Variants in PDE3A observed in about 807,000 individuals in gnomAD.
PDE3A encodes cGMP-inhibited 3',5'-cyclic phosphodiesterase 3A.
A neutral mutation model predicts 98.3 loss-of-function variants in PDE3A; 43 were observed. The ratio of observed to expected loss-of-function variants is 0.44; its 90% CI spans 0.34 to 0.56. PDE3A has a LOEUF of 0.56. Among genes scored for constraint, PDE3A ranks in the 20% least tolerant of loss-of-function variants. The probability of loss-of-function intolerance (pLI) is 0.01; values close to 1 mark genes in which losing one functional copy is unlikely to be tolerated. For synonymous variants in PDE3A, 663 were observed against 567.9 expected (o/e 1.17, Z -2.38); for missense variants, 1,427 against 1,440.7 (o/e 0.99, Z 0.15).
In PDE3A at chr12:20,491,409, C is replaced by T. The variant is rs557852011; in HGVS notation, c.961-65251C>T. 1.0e-3 allele frequency among the ~76,000 whole-genome samples: 156 copies of T among 152,284 alleles called. 1 individual carries two copies. Among genetic ancestry groups the T allele is most frequent in the African/African-American group, 3.5e-3 (146 of 41,574 alleles). ...CCAGAGTGCTGCCTTCCCTCCCCCA[C>T]CTTTTGTTTCAATGGGTTGTTGTCA... On this transcript the variant is annotated intron_variant, in intron 1 of 15. Transcript: ENST00000359062.
chr12:20,525,870 C>G (rs1946509079), intron 1 of PDE3A, among the ~76,000 whole-genome samples: 1 of 152,110 alleles, frequency 6.6e-6, no homozygotes, highest in African/African-American at 2.4e-5. Flanking sequence ...CCAAAACTTG[C>G]TATCTTATCA....
chr12:20,567,655 T>C (rs1942695329), intron 2 of PDE3A, among the ~76,000 whole-genome samples: 1 of 151,908 alleles, frequency 6.6e-6, no homozygotes, highest in Non-Finnish European at 1.5e-5. Flanking sequence ...TTTTCTCTTA[T>C]CACATGGAAC....
chr12:20,677,644 A>G (rs923003317), intron 15 of PDE3A, among the ~76,000 whole-genome samples: 2 of 152,094 alleles, frequency 1.3e-5, no homozygotes, highest in South Asian at 4.1e-4. Context: ...TATTTTTAGT[A>G]GAGACGGGGT....
intron 1 of PDE3A, among the ~76,000 whole-genome samples, chr12:20,465,389 A>T (rs1945324012): frequency 6.6e-6 from 1 of 152,066 alleles, no homozygotes; most frequent in South Asian, 2.1e-4. Context: ...GGTAATTTTT[A>T]AAAATTTATT....
intron 1 of PDE3A, among the ~76,000 whole-genome samples, chr12:20,407,306 A>G (rs77678887): frequency 0.026 from 3,956 of 152,330 alleles, 82 homozygotes; most frequent in Admixed American, 0.059. Context: ...CAGGTACACA[A>G]TATAATTTTG....
intron 1 of PDE3A, among the ~76,000 whole-genome samples, chr12:20,433,607 GT>G (rs1410825065): frequency 6.6e-6 from 1 of 152,070 alleles, no homozygotes; most frequent in Non-Finnish European, 1.5e-5. Context: ...CAAGACTCAA[GT>G]TAACTTTTAA....
At chr12:20,404,848 T>TTTTTTTA (rs11459541) in intron 1 of PDE3A, among the ~76,000 whole-genome samples, 1 of 147,964 alleles carries the variant, frequency 6.8e-6, no homozygotes, top group African/African-American at 2.6e-5. Flanking sequence ...TTTTTTTTTT[T>TTTTTTTA]GAGCAGGAAC....
chr12:20,398,523 CA>C (rs928291492), intron 1 of PDE3A, among the ~76,000 whole-genome samples: 2 of 151,782 alleles, frequency 1.3e-5, no homozygotes, highest in African/African-American at 2.4e-5. Context: ...AGAAAGCCAT[CA>C]AAAAAACTGC....
intron 2 of PDE3A, among the ~76,000 whole-genome samples, chr12:20,577,223 T>C (rs1256465533): frequency 6.6e-6 from 1 of 152,024 alleles, no homozygotes; most frequent in Non-Finnish European, 1.5e-5. Flanking sequence ...CAGTGGTGCT[T>C]TGGGCACCCA....
At chr12:20,604,011 A>G (rs1279758592) in intron 2 of PDE3A, among the ~76,000 whole-genome samples, 1 of 151,992 alleles carries the variant, frequency 6.6e-6, no homozygotes, top group Non-Finnish European at 1.5e-5. Flanking sequence ...TCTACCAAAA[A>G]TACAAAAATT....
chr12:20,523,525 T>C (rs1262807877), intron 1 of PDE3A, among the ~76,000 whole-genome samples: 2 of 152,228 alleles, frequency 1.3e-5, no homozygotes, highest in Non-Finnish European at 2.9e-5. Flanking sequence ...GTCTTTCTTT[T>C]TAAGTTAATA....
chr12:20,386,110 T>A (rs762559890), intron 1 of PDE3A, among the ~76,000 whole-genome samples: 2,467 of 11,192 alleles, frequency 0.22, 200 homozygotes, highest in African/African-American at 0.27. Flanking sequence ...AATATATATA[T>A]AAATATATAT....
At chr12:20,536,341 GGT>G (rs56788789) in intron 1 of PDE3A, among the ~76,000 whole-genome samples, 100,397 of 150,582 alleles carry the variant, frequency 0.67, 34,182 homozygotes, top group African/African-American at 0.81. Flanking sequence ...TTTACTGTGA[GGT>G]GTGTGTGTGT....
At chr12:20,387,650 A>C (rs376487630) in intron 1 of PDE3A, among the ~76,000 whole-genome samples, 2 of 152,124 alleles carry the variant, frequency 1.3e-5, no homozygotes, top group South Asian at 4.1e-4. Flanking sequence ...CTGTTGACAT[A>C]CAGAGCACTT....
rs1461849288 is a variant in PDE3A, at chr12:20,552,290, G to A, written c.961-4370G>A. On this transcript the variant is annotated intron_variant, in intron 1 of 15. Coordinates refer to ENST00000359062, the MANE Select transcript of PDE3A (RefSeq NM_000921.5). This position sits in a 1 kb window ranked among gnomAD's most constrained non-coding sequence, Gnocchi z 5.1. ...AAGTACGCCCCCGCTGAGGGCAACC[G>A]CTACGATGGCATCTACAAGGTTGTG... 3.1e-5 allele frequency: 50 copies of A among 1,613,834 alleles called. No individual in the cohort carries two copies. Among genetic ancestry groups the A allele is most frequent in the Non-Finnish European group, 4.1e-5 (48 of 1,179,906 alleles).
chr12:20,654,660 CTTTTTTTT>C (rs71442265), intron 15 of PDE3A, among the ~76,000 whole-genome samples: 20 of 85,856 alleles, frequency 2.3e-4, no homozygotes, highest in African/African-American at 6.7e-4. Flanking sequence ...CTACACCCGG[CTTTTTTTT>C]TTTTTTTTTT....
intron 1 of PDE3A, among the ~76,000 whole-genome samples, chr12:20,471,858 T>C (rs536214239): frequency 2.0e-5 from 3 of 152,298 alleles, no homozygotes; most frequent in African/African-American, 7.2e-5. Context: ...TTTTTTGTAA[T>C]CCCTCCCAGC....
chr12:20,641,086 A>G lies in PDE3A; in HGVS notation c.2251+1129A>G, dbSNP rs191720206. 3.1e-3 allele frequency among the ~76,000 whole-genome samples: 472 copies of G among 152,264 alleles called. 4 individuals are homozygous for G. Among genetic ancestry groups the G allele is most frequent in the African/African-American group, 0.011 (445 of 41,558 alleles). Reference sequence around the variant, plus strand: ...GGGTATCACATCAACTTAGGGATTTATTATGAGCATATTTATTGTTTTCAA... The same window carrying G: ...GGGTATCACATCAACTTAGGGATTTGTTATGAGCATATTTATTGTTTTCAA... On this transcript the variant is annotated intron_variant, in intron 10 of 15. Coordinates refer to ENST00000359062, the MANE Select transcript of PDE3A (RefSeq NM_000921.5).
At chr12:20,465,240 A>G (rs1243631912) in intron 1 of PDE3A, among the ~76,000 whole-genome samples, 2 of 152,162 alleles carry the variant, frequency 1.3e-5, no homozygotes, top group Non-Finnish European at 2.9e-5. Context: ...CAGAATATGT[A>G]TTCCAAGAAT....
Sources: allele counts gnomAD v4.1 joint callset (sites outside exome capture counted in the v4.1 genomes callset), GRCh38; gene constraint gnomAD v4.1.1; non-coding constraint Gnocchi (gnomAD v3.1); transcripts MANE v1.5; gene names NCBI Gene and HGNC (gene_info 2026-07-23, HGNC 2026-07-21).